The following SPTBN2 variants were observed in gnomAD, a reference collection of about 807,000 sequenced individuals.
SPTBN2 encodes spectrin beta chain, non-erythrocytic 2.
In SPTBN2, 107 loss-of-function variants were observed where a neutral mutation model predicts 284.2. That is an observed-to-expected ratio of 0.38 (90% CI 0.32 to 0.44). The LOEUF is 0.44. Ranked by LOEUF, SPTBN2 falls within the 20% of genes least tolerant of loss-of-function variation. The probability of loss-of-function intolerance (pLI) is 1.00; values close to 1 mark genes in which losing one functional copy is unlikely to be tolerated. For synonymous variants in SPTBN2, 1,289 were observed against 1,354.8 expected, an observed-to-expected ratio of 0.95 and a Z score of 1.07; for missense variants, 2,569 against 3,287.1, an observed-to-expected ratio of 0.78 and a Z score of 5.34.
At chr11:66,730,028 C>T (rs1942778398), upstream of SPTBN2, among the ~76,000 whole-genome samples, 1 of 152,112 alleles carries the variant, frequency 6.6e-6, no homozygotes, top group African/African-American at 2.4e-5. Flanking sequence ...TCTTGAACTC[C>T]TGACCTCAGG....
Position 66,683,838 on chromosome 11 carries a change from G to T in SPTBN2, c.*2033C>A, listed in dbSNP as rs1041508707. ...GAGTGCAAATACCTAGATTCCCTGA[G>T]CACCCCCAAGGTATGACTGTCTCTT... On this transcript the variant is annotated 3_prime_UTR_variant, in exon 38 of 38. Transcript: ENST00000533211. Among the ~76,000 whole-genome samples the T allele has an allele frequency of 2.6e-5, 4 of 152,174 alleles. No individual in the cohort carries two copies. The highest frequency in any genetic ancestry group is 7.2e-5 in the African/African-American group (3 of 41,442).
chr11:66,701,862 C>G, intron 15 of SPTBN2, 141 bp from the exon 16 acceptor site: 1 of 1,194,780 alleles, frequency 8.4e-7, no homozygotes, highest in Non-Finnish European at 1.2e-6. Flanking sequence ...GCCTCTCAGC[C>G]TATGAGGTTC....
At chr11:66,733,447 G>T (rs1048761551), upstream of SPTBN2, among the ~76,000 whole-genome samples, 1 of 152,162 alleles carries the variant, frequency 6.6e-6, no homozygotes, top group Admixed American at 6.6e-5. Flanking sequence ...GGTTAGTCAA[G>T]GATGAGTTGT....
chr11:66,698,547 T>G, intron 20 of SPTBN2, 92 bp downstream of exon 20: 2 of 1,596,646 alleles, frequency 1.3e-6, no homozygotes, highest in Non-Finnish European at 1.7e-6. Flanking sequence ...CCCCACAATC[T>G]CTAACCATGA....
At chr11:66,742,867 C>T (rs573737308) in intron 1 of SPTBN2, among the ~76,000 whole-genome samples, 1 of 152,308 alleles carries the variant, frequency 6.6e-6, no homozygotes, top group South Asian at 2.1e-4. Flanking sequence ...ACCTGGGCCT[C>T]CCAAAGTGTT....
At position 66,710,927 on chromosome 11, in the gene SPTBN2, C is replaced by A; in HGVS notation, c.875G>T (p.Arg292Ile). Residue 292 changes from arginine (R) to isoleucine (I), a missense_variant, in exon 9 of 38, where the codon AGA becomes ATA. Transcript: ENST00000533211. The surrounding 1 kb of genome is among the most constrained non-coding windows in gnomAD (Gnocchi z 4.9). ...KMKALAVEGK[R>I]IGKVLDHAME... is the part of the protein sequence containing the mutation. ...GCCCATGGACAGTACCTTGCCAATT[C>A]TCTTGCCTTCCACGGCCAGGGCCTT... 6.2e-7 allele frequency: 1 copy of A among 1,614,232 alleles called. No homozygotes were observed. Among genetic ancestry groups the A allele is most frequent in the South Asian group, 1.1e-5 (1 of 91,076 alleles).
Position 66,685,814 on chromosome 11 carries a change from TGTCCCTGGCA to T in SPTBN2, c.*47_*56del. ...TGACAAGAGGGCGGTCCCTGTCGAC[TGTCCCTGGCA>T]GTTTCCTGAACGGAGGGAGGGAGTT... On this transcript the variant is annotated 3_prime_UTR_variant, in exon 38 of 38. Transcript: ENST00000533211. The surrounding 1 kb of genome is among the most constrained non-coding windows in gnomAD (Gnocchi z 4.4). The T allele has an allele frequency of 6.4e-7, 1 of 1,551,600 alleles. No individual in the cohort carries two copies. Among genetic ancestry groups the T allele is most frequent in the Non-Finnish European group, 8.9e-7 (1 of 1,125,416 alleles).
chr11:66,721,449 G>A lies in SPTBN2; in HGVS notation c.-113-9C>T, dbSNP rs141511369. The A allele has an allele frequency of 2.1e-4, 134 of 653,486 alleles. No homozygotes were observed. The African/African-American group carries it at 2.1e-3, about 10-fold the overall frequency. 40.5% of individuals were successfully genotyped at this position (653,486 alleles called of 1,614,324 possible). A position where few individuals can be genotyped will look rare whatever the true frequency, so the allele number is the denominator to read the frequency against. Reference sequence around the variant, plus strand: ...GAAGCCACCTGGGAAGCCTGGGGACGGGAATACATCAGAAGCACAGAAAGT... The same window carrying A: ...GAAGCCACCTGGGAAGCCTGGGGACAGGAATACATCAGAAGCACAGAAAGT... On this transcript the variant is annotated splice_polypyrimidine_tract_variant and intron_variant, in intron 1 of 37. Coordinates refer to ENST00000533211, the MANE Select transcript of SPTBN2 (RefSeq NM_006946.4).
chr11:66,685,719 C>A lies in SPTBN2; in HGVS notation c.*152G>T. ...GAAGGGCTGCCCTTGGGAACATGGA[C>A]TCGTCCCCAGTGACAGTTCCTGGTG... On this transcript the variant is annotated 3_prime_UTR_variant, in exon 38 of 38. Coordinates refer to ENST00000533211, the MANE Select transcript of SPTBN2 (RefSeq NM_006946.4). This position sits in a 1 kb window ranked among gnomAD's most constrained non-coding sequence, Gnocchi z 4.4. 1 of 724,670 alleles carries A rather than the reference C, an allele frequency of 1.4e-6. No individual in the cohort carries two copies. The allele number at this position is 724,670 out of a possible 1,614,324, so 44.9% of individuals were successfully genotyped here.
intron 1 of SPTBN2, among the ~76,000 whole-genome samples, chr11:66,736,565 C>A (rs1377716177): frequency 2.0e-5 from 3 of 152,184 alleles, no homozygotes; most frequent in African/African-American, 4.8e-5. Context: ...CCTGTGAATA[C>A]ACAGACCTTT....
intron 7 of SPTBN2, 66 bp from the exon 8 acceptor site, chr11:66,713,812 C>T (rs947328760): frequency 2.3e-6 from 3 of 1,331,700 alleles, no homozygotes; most frequent in Admixed American, 3.4e-5. Context: ...AGAGGAAACC[C>T]ACACCAATCT....
intron 1 of SPTBN2, among the ~76,000 whole-genome samples, chr11:66,722,870 G>A (rs1035577305): frequency 7.1e-6 from 1 of 141,154 alleles, no homozygotes; most frequent in Non-Finnish European, 1.5e-5. Flanking sequence ...TCCAGCCTGC[G>A]AGAGAGAGTG....
intron 1 of SPTBN2, among the ~76,000 whole-genome samples, chr11:66,740,182 T>C (rs1942886182): frequency 2.0e-5 from 3 of 152,220 alleles, no homozygotes; most frequent in Non-Finnish European, 1.5e-5. Flanking sequence ...AATCAGACTT[T>C]GTGCAAAGGG....
chr11:66,740,707 T>C (rs1047228560), intron 1 of SPTBN2, among the ~76,000 whole-genome samples: 2 of 152,200 alleles, frequency 1.3e-5, no homozygotes, highest in African/African-American at 4.8e-5. Flanking sequence ...CCTTTCCTAC[T>C]GTCTGGATGG....
At position 66,693,569 on chromosome 11, in the gene SPTBN2, G is replaced by A. The variant is rs993463613; in HGVS notation, c.4594-123C>T. The A allele has an allele frequency of 3.4e-6, 5 of 1,488,184 alleles. No homozygotes were observed. In the Admixed American group the frequency reaches 5.9e-5, roughly 18 times the overall value. 92.2% of individuals were successfully genotyped at this position (1,488,184 alleles called of 1,614,324 possible). A position where few individuals can be genotyped will look rare whatever the true frequency, so the allele number is the denominator to read the frequency against. ...GGTCCTCTGCTCCCTCTCCTAGCCTGGGGGTGCGATGGTAACACCCGTCAG... is the reference window on the plus strand; with the variant it reads ...GGTCCTCTGCTCCCTCTCCTAGCCTAGGGGTGCGATGGTAACACCCGTCAG... On this transcript the variant is annotated intron_variant, in intron 23 of 37. Coordinates refer to ENST00000533211, the MANE Select transcript of SPTBN2 (RefSeq NM_006946.4). This position sits in a 1 kb window ranked among gnomAD's most constrained non-coding sequence, Gnocchi z 5.7.
Position 66,692,950 on chromosome 11 carries a change from C to A in SPTBN2, c.4985+20G>T, listed in dbSNP as rs367688012. 1 of 1,600,798 alleles carries A rather than the reference C, an allele frequency of 6.2e-7. No homozygotes were observed. Among genetic ancestry groups the A allele is most frequent in the East Asian group, 2.2e-5 (1 of 44,880 alleles). On this transcript the variant is annotated intron_variant, in intron 25 of 37. Transcript: ENST00000533211. The stretch of plus-strand genomic sequence containing the variant: ...AGCCGGCTCCACCCCCAGGCTGGGC[C>A]GGGCTGCCGCTGCACCCACCTCTCT...
At chr11:66,716,138 C>A (rs545442224) in intron 3 of SPTBN2, among the ~76,000 whole-genome samples, 157 bp from the exon 4 acceptor site, 1 of 152,126 alleles carries the variant, frequency 6.6e-6, no homozygotes, top group Non-Finnish European at 1.5e-5. Context: ...GAGGAAAGCC[C>A]GTAACTTGCA....
chr11:66,699,714 C>G, intron 17 of SPTBN2, 106 bp from the exon 18 acceptor site: 1 of 1,153,366 alleles, frequency 8.7e-7, no homozygotes, highest in South Asian at 1.2e-5. Flanking sequence ...AACAAGCAGA[C>G]AGGGAGGGTA....
chr11:66,733,680 A>G (rs1192243700), upstream of SPTBN2, among the ~76,000 whole-genome samples: 2 of 152,206 alleles, frequency 1.3e-5, no homozygotes, highest in Admixed American at 1.3e-4. Flanking sequence ...ATAGATGGTA[A>G]TTGAAGGGGA....
Sources: allele counts gnomAD v4.1 joint callset (sites outside exome capture counted in the v4.1 genomes callset), GRCh38; gene constraint gnomAD v4.1.1; non-coding constraint Gnocchi (gnomAD v3.1); transcripts MANE v1.5; gene names NCBI Gene and HGNC (gene_info 2026-07-23, HGNC 2026-07-21).